The following LHFPL2 variants were observed in gnomAD, a reference collection of about 807,000 sequenced individuals.
LHFPL2 encodes LHFPL tetraspan subfamily member 2, also known as LHFPL tetraspan subfamily member 2 protein.
In LHFPL2, 7 loss-of-function variants were observed where a neutral mutation model predicts 17.5. The ratio of observed to expected loss-of-function variants is 0.40; its 90% CI spans 0.23 to 0.75. The LOEUF (loss-of-function observed/expected upper bound fraction) is 0.75, where lower values mean the gene tolerates loss of function less well. Ranked by LOEUF, LHFPL2 falls within the 30% of genes least tolerant of loss-of-function variation. The pLI, the probability that LHFPL2 is intolerant of heterozygous loss-of-function variation, is 0.37. For missense variants in LHFPL2, 241 were observed against 294.8 expected (o/e 0.82, Z 1.34); for synonymous variants, 134 against 116.2 (o/e 1.15, Z -0.99).
intron 3 of LHFPL2, among the ~76,000 whole-genome samples, chr5:78,530,477 C>T (rs1239052982): frequency 1.3e-5 from 2 of 152,202 alleles, no homozygotes; most frequent in African/African-American, 4.8e-5. Context: ...GGAGTGAGTT[C>T]TCCCTAGATA....
intron 3 of LHFPL2, among the ~76,000 whole-genome samples, chr5:78,542,882 A>AT (rs1561331055): frequency 1.3e-5 from 2 of 152,208 alleles, no homozygotes; most frequent in Non-Finnish European, 2.9e-5. Flanking sequence ...CAATGGTGAT[A>AT]TGGAAGGTAG....
At chr5:78,605,066 T>C (rs1477034126) in intron 2 of LHFPL2, among the ~76,000 whole-genome samples, 2 of 152,242 alleles carry the variant, frequency 1.3e-5, no homozygotes, top group African/African-American at 2.4e-5. Context: ...TCAGAAAATA[T>C]GACAGGAGAT....
intron 3 of LHFPL2, among the ~76,000 whole-genome samples, chr5:78,534,077 G>A (rs1036477655): frequency 3.9e-5 from 6 of 152,248 alleles, no homozygotes; most frequent in Non-Finnish European, 7.3e-5. Context: ...GGCAGGGAGA[G>A]GAGGGATATG....
chr5:78,580,808 T>G (rs926945048), intron 2 of LHFPL2, among the ~76,000 whole-genome samples: 1 of 152,054 alleles, frequency 6.6e-6, no homozygotes, highest in African/African-American at 2.4e-5. Context: ...TCTTTTGGCT[T>G]AGGATTGACT....
intron 2 of LHFPL2, among the ~76,000 whole-genome samples, chr5:78,591,319 C>T (rs1223224590): frequency 1.3e-5 from 2 of 152,210 alleles, no homozygotes; most frequent in African/African-American, 2.4e-5. Context: ...TGCCCTGCAA[C>T]ATTTTTCCCT....
rs1754626847 is a variant in LHFPL2, at chr5:78,496,960, CCA to C, written c.431-7809_431-7808del. Among the ~76,000 whole-genome samples, 4 of 152,312 alleles carry C rather than the reference CCA, an allele frequency of 2.6e-5. No individual in the cohort carries two copies. The South Asian group carries it at 6.2e-4, about 24-fold the overall frequency. On this transcript the variant is annotated intron_variant, in intron 4 of 4. Coordinates refer to ENST00000380345, the MANE Select transcript of LHFPL2 (RefSeq NM_005779.3). ...ACTACCCCAAGCTGAGTTTTCATTTCCAGTTTTGAACTCCAGATGTGCATATC... is the reference window on the plus strand; with the variant it reads ...ACTACCCCAAGCTGAGTTTTCATTTCGTTTTGAACTCCAGATGTGCATATC...
Position 78,526,230 on chromosome 5 carries a change from C to T in LHFPL2, c.-185-15832G>A, listed in dbSNP as rs545497218. Among the ~76,000 whole-genome samples, 19 of 152,296 alleles carry T rather than the reference C, an allele frequency of 1.2e-4. No homozygotes were observed. In the East Asian group the frequency reaches 2.9e-3, roughly 23 times the overall value. Reference sequence around the variant, plus strand: ...GTGTCACATACAGGCTGGGTGTGGACGGACTCACTGGAACACAAATACTGT... The same window carrying T: ...GTGTCACATACAGGCTGGGTGTGGATGGACTCACTGGAACACAAATACTGT... On this transcript the variant is annotated intron_variant, in intron 3 of 4. Transcript: ENST00000380345.
intron 2 of LHFPL2, among the ~76,000 whole-genome samples, chr5:78,631,005 G>A (rs375897848): frequency 3.9e-5 from 6 of 152,156 alleles, no homozygotes; most frequent in Non-Finnish European, 7.3e-5. Flanking sequence ...GGGATAATGC[G>A]AGATCAACTC....
intron 3 of LHFPL2, among the ~76,000 whole-genome samples, chr5:78,553,546 G>A (rs530505144): frequency 1.3e-5 from 2 of 152,300 alleles, no homozygotes; most frequent in South Asian, 4.1e-4. Flanking sequence ...CCCACTACAT[G>A]ACAAGAATGG....
chr5:78,627,453 A>G (rs1745087033), intron 2 of LHFPL2, among the ~76,000 whole-genome samples: 1 of 152,200 alleles, frequency 6.6e-6, no homozygotes, highest in Admixed American at 6.5e-5. Flanking sequence ...TGGCTAGTAC[A>G]AAGAACTGTT....
At chr5:78,537,885 T>C (rs1262134522) in intron 3 of LHFPL2, among the ~76,000 whole-genome samples, 1 of 152,154 alleles carries the variant, frequency 6.6e-6, no homozygotes, top group Non-Finnish European at 1.5e-5. Flanking sequence ...CTAGCTCAAA[T>C]TCTGACTTTT....
At chr5:78,493,024 T>C (rs1754497687) in intron 4 of LHFPL2, among the ~76,000 whole-genome samples, 1 of 152,248 alleles carries the variant, frequency 6.6e-6, no homozygotes, top group Non-Finnish European at 1.5e-5. Context: ...GGCTCTGCCC[T>C]CTATGATCCC....
In LHFPL2 at chr5:78,486,912, T is replaced by C. The variant is rs1754263806; in HGVS notation, c.*1985A>G. 1 of 152,232 alleles carries C rather than the reference T, an allele frequency of 6.6e-6. No homozygotes were observed. The highest frequency in any genetic ancestry group is 6.5e-5 in the Admixed American group (1 of 15,278). The allele number at this position is 152,232 out of a possible 1,614,324, so 9.4% of individuals were successfully genotyped here. A position where few individuals can be genotyped will look rare whatever the true frequency, so the allele number is the denominator to read the frequency against. ...AAAAGTGAGTCTTCTGATAAGTTTATGGAAAAATTTTGTGTTTTTCATCAA... is the reference window on the plus strand; with the variant it reads ...AAAAGTGAGTCTTCTGATAAGTTTACGGAAAAATTTTGTGTTTTTCATCAA... On this transcript the variant is annotated 3_prime_UTR_variant, in exon 5 of 5. Transcript: ENST00000380345.
chr5:78,593,799 A>C (rs2036611988), intron 2 of LHFPL2, among the ~76,000 whole-genome samples: 1 of 152,154 alleles, frequency 6.6e-6, no homozygotes, highest in Non-Finnish European at 1.5e-5. Context: ...TTGTCTATGA[A>C]GGCCTCACTC....
At chr5:78,558,839 C>G (rs978059673) in intron 3 of LHFPL2, among the ~76,000 whole-genome samples, 3 of 152,192 alleles carry the variant, frequency 2.0e-5, no homozygotes, top group Non-Finnish European at 4.4e-5. Flanking sequence ...CAGGCTTCAC[C>G]TCCTCTCCCC....
intron 2 of LHFPL2, among the ~76,000 whole-genome samples, chr5:78,603,524 CT>C (rs1344977720): frequency 9.8e-5 from 15 of 152,316 alleles, no homozygotes; most frequent in Admixed American, 3.3e-4. Flanking sequence ...CCAGAAACTT[CT>C]CTTTGGAGAA....
At chr5:78,498,101 A>G (rs1239837261) in intron 4 of LHFPL2, among the ~76,000 whole-genome samples, 1 of 152,140 alleles carries the variant, frequency 6.6e-6, no homozygotes, top group East Asian at 1.9e-4. Flanking sequence ...GTGAGCCACG[A>G]CCACTTGTGA....
intron 2 of LHFPL2, among the ~76,000 whole-genome samples, chr5:78,629,326 C>T (rs1032877361): frequency 7.9e-5 from 12 of 152,168 alleles, no homozygotes; most frequent in African/African-American, 2.2e-4. Flanking sequence ...AGTACCTGTA[C>T]GTTTTCCTGA....
intron 3 of LHFPL2, among the ~76,000 whole-genome samples, chr5:78,550,740 T>C (rs1756416564): frequency 6.6e-6 from 1 of 152,068 alleles, no homozygotes; most frequent in Non-Finnish European, 1.5e-5. Context: ...TCGGCTAATT[T>C]TTGTATTTTT....
Sources: allele counts gnomAD v4.1 joint callset (sites outside exome capture counted in the v4.1 genomes callset), GRCh38; gene constraint gnomAD v4.1.1; transcripts MANE v1.5; gene names NCBI Gene and HGNC (gene_info 2026-07-23, HGNC 2026-07-21).